The following ASIC2 variants were observed in gnomAD, a reference collection of about 807,000 sequenced individuals.
The protein encoded by ASIC2 is acid-sensing ion channel 2.
ASIC2 carries 25 observed loss-of-function variants against 57.3 expected under a neutral mutation model. That is an observed-to-expected ratio of 0.44 (90% CI 0.32 to 0.61). ASIC2 has a LOEUF of 0.61. Ranked by LOEUF, ASIC2 falls within the 20% of genes least tolerant of loss-of-function variation. The pLI is 0.06. For missense variants in ASIC2, 641 were observed against 738.1 expected, an observed-to-expected ratio of 0.87 and a Z score of 1.52; for synonymous variants, 319 against 307.5, an observed-to-expected ratio of 1.04 and a Z score of -0.39.
chr17:33,491,042 C>A (rs1231654630), intron 1 of ASIC2, among the ~76,000 whole-genome samples: 2 of 152,152 alleles, frequency 1.3e-5, no homozygotes, highest in Admixed American at 6.5e-5. Flanking sequence ...CCTTGACCTG[C>A]CCTGCATCTC....
At position 33,126,891 on chromosome 17, in the gene ASIC2, C is replaced by T. The variant is rs372828142; in HGVS notation, c.709-14824G>A. Among the ~76,000 whole-genome samples the T allele has an allele frequency of 2.1e-3, 239 of 111,168 alleles. 2 individuals are homozygous for T. Among genetic ancestry groups the T allele is most frequent in the East Asian group, 0.013 (50 of 3,720 alleles). The allele number at this position is 111,168 out of a possible 152,430, so 72.9% of individuals were successfully genotyped here. ...TTTTTTTTTTTTTGAGACGGAGTCTCGCTCTGTCGCCCAGGCGGGACTGCG... is the reference window on the plus strand; with the variant it reads ...TTTTTTTTTTTTTGAGACGGAGTCTTGCTCTGTCGCCCAGGCGGGACTGCG... On this transcript the variant is annotated intron_variant, in intron 1 of 9. Transcript: ENST00000225823.
Position 33,335,124 on chromosome 17 carries a change from A to C in ASIC2, c.556-223057T>G, listed in dbSNP as rs541117708. On this transcript the variant is annotated intron_variant, in intron 1 of 9. Transcript: ENST00000359872. ...TTACATTAAATTGTGAGAATGCAGC[A>C]ATGGGAAAATAGAAATGCAAGCAGT... Among the ~76,000 whole-genome samples, 19 of 152,314 alleles carry C rather than the reference A, an allele frequency of 1.2e-4. No homozygotes were observed. In the South Asian group the frequency reaches 3.3e-3, roughly 27 times the overall value.
intron 3 of ASIC2, among the ~76,000 whole-genome samples, chr17:33,042,911 G>A (rs7342972): frequency 0.071 from 10,846 of 151,984 alleles, 1,239 homozygotes; most frequent in African/African-American, 0.24. Context: ...CAACCTTGCC[G>A]ATTAAACATT....
chr17:33,247,195 G>A (rs1396322489), intron 1 of ASIC2, among the ~76,000 whole-genome samples: 1 of 152,178 alleles, frequency 6.6e-6, no homozygotes, highest in South Asian at 2.1e-4. Flanking sequence ...TGGGGTGGGT[G>A]TTCAGAAATC....
intron 1 of ASIC2, among the ~76,000 whole-genome samples, chr17:33,969,668 C>T (rs575907253): frequency 6.6e-6 from 1 of 152,288 alleles, no homozygotes; most frequent in African/African-American, 2.4e-5. Flanking sequence ...GGGACGGGAG[C>T]TGTACCTATT....
intron 1 of ASIC2, among the ~76,000 whole-genome samples, chr17:33,605,769 A>G (rs1301963970): frequency 2.0e-5 from 3 of 152,200 alleles, no homozygotes; most frequent in East Asian, 3.8e-4. Context: ...CCTTAGACAC[A>G]GCACGTCCTG....
intron 3 of ASIC2, among the ~76,000 whole-genome samples, chr17:33,038,393 C>T (rs1217135760): frequency 6.6e-6 from 1 of 152,160 alleles, no homozygotes; most frequent in African/African-American, 2.4e-5. Context: ...CCGGTTCAGA[C>T]ATCCAAGTCA....
intron 1 of ASIC2, among the ~76,000 whole-genome samples, chr17:33,983,730 G>A (rs985509101): frequency 3.3e-5 from 5 of 152,138 alleles, no homozygotes; most frequent in Admixed American, 1.3e-4. Flanking sequence ...GTATGTCAGC[G>A]GCTCTCAACT....
chr17:33,801,204 G>A (rs1912122946), intron 1 of ASIC2, among the ~76,000 whole-genome samples: 2 of 152,198 alleles, frequency 1.3e-5, no homozygotes, highest in Non-Finnish European at 2.9e-5. Flanking sequence ...ATTTTCTTGG[G>A]AGAAAGGAGA....
At chr17:34,134,933 A>C (rs1912087607) in intron 1 of ASIC2, among the ~76,000 whole-genome samples, 1 of 152,180 alleles carries the variant, frequency 6.6e-6, no homozygotes, top group African/African-American at 2.4e-5. Context: ...CTCTGCCAAA[A>C]ATATAATAAT....
rs764169543 is a variant in ASIC2 at position 33,839,502 on chromosome 17, A to T, written c.555+316476T>A. On this transcript the variant is annotated intron_variant, in intron 1 of 9. Transcript: ENST00000359872. ...CCCAGCCCCAAACTCACCCTTCTAC[A>T]CTCTGATATGTAATTCTGGGGCTGG... is the stretch of plus-strand genomic sequence containing the variant. 5.9e-5 allele frequency among the ~76,000 whole-genome samples: 9 copies of T among 151,816 alleles called. No individual in the cohort carries two copies. In the South Asian group the frequency reaches 8.3e-4, roughly 14 times the overall value.
chr17:33,632,268 T>A (rs1906198562), intron 1 of ASIC2, among the ~76,000 whole-genome samples: 1 of 152,300 alleles, frequency 6.6e-6, no homozygotes, highest in South Asian at 2.1e-4. Context: ...GAATGTCTAA[T>A]GTTAGTGAAA....
chr17:34,099,826 G>T lies in ASIC2; in HGVS notation c.555+56152C>A, dbSNP rs73986858. Among the ~76,000 whole-genome samples the T allele has an allele frequency of 1.4e-3, 218 of 150,810 alleles. 5 individuals are homozygous for T. The East Asian group carries it at 0.041, about 28-fold the overall frequency. Reference sequence around the variant, plus strand: ...AGAAAAGAGAATCTCATAGTATTCCGAAGGCTGCAAATAGTTCATTGTGAC... The same window carrying T: ...AGAAAAGAGAATCTCATAGTATTCCTAAGGCTGCAAATAGTTCATTGTGAC... On this transcript the variant is annotated intron_variant, in intron 1 of 9. Transcript: ENST00000359872.
At chr17:33,165,517 G>C (rs910867112) in intron 1 of ASIC2, among the ~76,000 whole-genome samples, 1 of 152,000 alleles carries the variant, frequency 6.6e-6, no homozygotes, top group Non-Finnish European at 1.5e-5. Flanking sequence ...GAATATACAG[G>C]CTGTAGTTGT....
At chr17:33,519,042 G>A (rs1027351803) in intron 1 of ASIC2, among the ~76,000 whole-genome samples, 4 of 151,606 alleles carry the variant, frequency 2.6e-5, no homozygotes, top group East Asian at 2.0e-4. Context: ...GGATGGTCTC[G>A]ATCTCCTGAC....
At chr17:33,510,829 T>C (rs1914408781) in intron 1 of ASIC2, among the ~76,000 whole-genome samples, 1 of 152,034 alleles carries the variant, frequency 6.6e-6, no homozygotes, top group Admixed American at 6.5e-5. Flanking sequence ...GTGCAACCCC[T>C]GCACGAGGCC....
intron 1 of ASIC2, among the ~76,000 whole-genome samples, chr17:33,593,459 C>T (rs1052662493): frequency 1.3e-5 from 2 of 152,156 alleles, no homozygotes; most frequent in African/African-American, 4.8e-5. Context: ...TCATCTCTTT[C>T]AGGATCTATT....
intron 1 of ASIC2, among the ~76,000 whole-genome samples, chr17:33,715,562 C>T (rs1909192203): frequency 6.6e-6 from 1 of 152,196 alleles, no homozygotes; most frequent in Non-Finnish European, 1.5e-5. Flanking sequence ...TAAATTTCTA[C>T]TGTGGCATTG....
At position 33,229,470 on chromosome 17, in the gene ASIC2, G is replaced by T. The variant is rs572084320; in HGVS notation, c.708+61938C>A. ...TGGCTACACGCAGGGCAGAGAGGAG[G>T]GCAAGTGTTTCCACCTGTGGGAGGA... On this transcript the variant is annotated intron_variant, in intron 1 of 9. Coordinates refer to ENST00000225823, the MANE Select transcript of ASIC2 (RefSeq NM_183377.2). Among the ~76,000 whole-genome samples, 20 of 152,300 alleles carry T rather than the reference G, an allele frequency of 1.3e-4. No homozygotes were observed. The South Asian group carries it at 3.1e-3, about 24-fold the overall frequency.
Sources: allele counts gnomAD v4.1 joint callset (sites outside exome capture counted in the v4.1 genomes callset), GRCh38; gene constraint gnomAD v4.1.1; transcripts MANE v1.5; gene names NCBI Gene and HGNC (gene_info 2026-07-23, HGNC 2026-07-21).